MTUS2: variants seen among roughly 807,000 people sequenced by gnomAD.
The protein encoded by MTUS2 is microtubule associated scaffold protein 2.
Under a neutral mutation model 114.1 loss-of-function variants are expected in MTUS2, and 40 were observed. That is an observed-to-expected ratio of 0.35 (90% CI 0.27 to 0.46). MTUS2 has a LOEUF of 0.46. MTUS2 is among the 20% of genes least tolerant of loss of function. The probability of loss-of-function intolerance (pLI) is 1.00; values close to 1 mark genes in which losing one functional copy is unlikely to be tolerated. For missense variants in MTUS2, 1,679 were observed against 1,705.4 expected (o/e 0.98, Z 0.27); for synonymous variants, 688 against 672.0 (o/e 1.02, Z -0.37).
intron 5 of MTUS2, among the ~76,000 whole-genome samples, chr13:29,198,144 A>G (rs2139224964): frequency 6.6e-6 from 1 of 152,304 alleles, no homozygotes; most frequent in East Asian, 1.9e-4. Flanking sequence ...GTTTTTGCCC[A>G]TGCCTATGTC....
intron 5 of MTUS2, among the ~76,000 whole-genome samples, chr13:29,268,105 G>A (rs550292884): frequency 2.6e-5 from 4 of 152,074 alleles, no homozygotes; most frequent in East Asian, 1.9e-4. Context: ...CCATCAACTC[G>A]TCATCTACAT....
At position 29,487,931 on chromosome 13, in the gene MTUS2, C is replaced by G; in HGVS notation, c.3431C>G (p.Ala1144Gly). The G allele has an allele frequency of 6.2e-7, 1 of 1,614,150 alleles. No individual in the cohort carries two copies. The highest frequency in any genetic ancestry group is 8.5e-7 in the Non-Finnish European group (1 of 1,180,022). The change falls in exon 11 of 16, where the codon GCT (alanine) becomes GGT (glycine). Residue 1144 changes from alanine (A) to glycine (G), a missense_variant. Physicochemically the swap from Ala to Gly is moderately conservative, Grantham distance 60. Coordinates refer to ENST00000612955, the MANE Select transcript of MTUS2 (RefSeq NM_001033602.4). ...GATCTCACCGCCAGCCATGATGCTGCTCTCCTAGAGATGGAAAATAACCAC... is the reference window on the plus strand; with the variant it reads ...GATCTCACCGCCAGCCATGATGCTGGTCTCCTAGAGATGGAAAATAACCAC... ...VEDLTASHDA[A>G]LLEMENNHTV...
At chr13:28,932,586 A>G (rs1044798388) in intron 2 of MTUS2, among the ~76,000 whole-genome samples, 45 of 152,248 alleles carry the variant, frequency 3.0e-4, no homozygotes, top group Non-Finnish European at 6.2e-4. Context: ...CTGTCCCTTT[A>G]TCCAGGGCTC....
At chr13:29,036,445 A>T (rs1887077534) in intron 4 of MTUS2, among the ~76,000 whole-genome samples, 1 of 152,212 alleles carries the variant, frequency 6.6e-6, no homozygotes, top group Admixed American at 6.5e-5. Flanking sequence ...GGTCAATTTT[A>T]GAGTAAGTGT....
At chr13:29,403,393 G>A (rs557196833) in intron 8 of MTUS2, among the ~76,000 whole-genome samples, 1 of 152,294 alleles carries the variant, frequency 6.6e-6, no homozygotes, top group Non-Finnish European at 1.5e-5. Flanking sequence ...ACCTAAACTA[G>A]GAAACTGGGA....
intron 6 of MTUS2, among the ~76,000 whole-genome samples, chr13:29,302,016 C>T (rs569411899): frequency 6.6e-6 from 1 of 152,244 alleles, no homozygotes; most frequent in African/African-American, 2.4e-5. Flanking sequence ...TAATCACCTC[C>T]CAAAGGCCCC....
At chr13:28,918,634 CTCTG>C (rs1271701880) in intron 2 of MTUS2, among the ~76,000 whole-genome samples, 1 of 151,940 alleles carries the variant, frequency 6.6e-6, no homozygotes, top group Non-Finnish European at 1.5e-5. Context: ...CATTCAGCCA[CTCTG>C]TCTTTTAATT....
At chr13:29,447,583 C>A (rs1245188510) in intron 9 of MTUS2, among the ~76,000 whole-genome samples, 1 of 146,412 alleles carries the variant, frequency 6.8e-6, no homozygotes, top group African/African-American at 2.5e-5. Flanking sequence ...AGGTGGTTGG[C>A]CTTGGGGTAT....
intron 2 of MTUS2, among the ~76,000 whole-genome samples, chr13:28,910,754 A>G (rs1880367090): frequency 6.7e-6 from 1 of 148,872 alleles, no homozygotes; most frequent in South Asian, 2.2e-4. Context: ...ATGTATATGT[A>G]TCACATTTTC....
At chr13:29,377,972 A>G (rs1208646422) in intron 8 of MTUS2, among the ~76,000 whole-genome samples, 1 of 152,218 alleles carries the variant, frequency 6.6e-6, no homozygotes, top group African/African-American at 2.4e-5. Context: ...ATACAGAACA[A>G]CTTGGATGAT....
At chr13:29,109,395 A>G (rs1040346071) in intron 5 of MTUS2, among the ~76,000 whole-genome samples, 3 of 152,168 alleles carry the variant, frequency 2.0e-5, no homozygotes, top group African/African-American at 7.2e-5. Flanking sequence ...AATCAACCCC[A>G]TGCTGTATAT....
chr13:29,064,655 G>A (rs1053028529), intron 4 of MTUS2, among the ~76,000 whole-genome samples: 7 of 151,806 alleles, frequency 4.6e-5, no homozygotes, highest in Non-Finnish European at 5.9e-5. Context: ...TTTTAGGTTC[G>A]GGGTACATGT....
chr13:29,062,131 C>T (rs750165085), intron 4 of MTUS2, among the ~76,000 whole-genome samples: 7 of 152,020 alleles, frequency 4.6e-5, no homozygotes, highest in African/African-American at 7.2e-5. Context: ...ACCTCAGGTG[C>T]GCATCATCAT....
intron 5 of MTUS2, among the ~76,000 whole-genome samples, chr13:29,154,961 G>C (rs991885241): frequency 6.6e-6 from 1 of 152,210 alleles, no homozygotes; most frequent in African/African-American, 2.4e-5. Flanking sequence ...CAGGGTAGTG[G>C]AAAAGAAGGT....
chr13:29,106,228 C>A (rs1324851444), intron 5 of MTUS2, among the ~76,000 whole-genome samples: 2 of 152,224 alleles, frequency 1.3e-5, no homozygotes, highest in Non-Finnish European at 2.9e-5. Flanking sequence ...TCACTGCAAA[C>A]TGAACACTTT....
intron 2 of MTUS2, among the ~76,000 whole-genome samples, chr13:28,840,201 A>G (rs1875379497): frequency 6.6e-6 from 1 of 152,166 alleles, no homozygotes; most frequent in South Asian, 2.1e-4. Flanking sequence ...GTTTAGTAAT[A>G]TTAATGGACA....
intron 6 of MTUS2, among the ~76,000 whole-genome samples, chr13:29,305,628 A>T (rs1899414291): frequency 6.6e-6 from 1 of 152,194 alleles, no homozygotes; most frequent in Admixed American, 6.5e-5. Context: ...CAAGTTCTGA[A>T]ACTGAGGCAG....
chr13:29,480,334 G>A lies in MTUS2; in HGVS notation c.3369G>A (p.Leu1123=). 6.5e-7 allele frequency: 1 copy of A among 1,547,430 alleles called. No individual in the cohort carries two copies. Among genetic ancestry groups the A allele is most frequent in the South Asian group, 1.2e-5 (1 of 82,878 alleles). Residue 1123 remains leucine, a synonymous_variant, in exon 10 of 16, where the codon CTG becomes CTA. Coordinates refer to ENST00000612955, the MANE Select transcript of MTUS2 (RefSeq NM_001033602.4). This position sits in a 1 kb window ranked among gnomAD's most constrained non-coding sequence, Gnocchi z 4.4. ...ARLQEEHGDQ[L]LSIRCQHQEQ... ...TGCAGGAGGAGCACGGTGACCAGCT[G>A]CTGAGCATCCGGTGTCAACACCAGG...
chr13:29,493,371 A>G (rs1325990354), intron 12 of MTUS2, among the ~76,000 whole-genome samples: 1 of 152,174 alleles, frequency 6.6e-6, no homozygotes, highest in East Asian at 1.9e-4. Flanking sequence ...AGCCCCATGG[A>G]AGAGCTGCCT....
Sources: allele counts gnomAD v4.1 joint callset (sites outside exome capture counted in the v4.1 genomes callset), GRCh38; gene constraint gnomAD v4.1.1; non-coding constraint Gnocchi (gnomAD v3.1); transcripts MANE v1.5; gene names NCBI Gene and HGNC (gene_info 2026-07-23, HGNC 2026-07-21).